Variants in SEMA3C observed in about 807,000 individuals in gnomAD.
SEMA3C encodes semaphorin 3C.
SEMA3C carries 47 observed loss-of-function variants against 89.4 expected under a neutral mutation model. The observed-to-expected ratio is 0.53, with a 90% CI of 0.42 to 0.67. SEMA3C has a LOEUF of 0.67. Among genes scored for constraint, SEMA3C ranks in the 30% least tolerant of loss-of-function variants. The probability of loss-of-function intolerance (pLI) is 0.00; values close to 1 mark genes in which losing one functional copy is unlikely to be tolerated. For synonymous variants in SEMA3C, 310 were observed against 320.2 expected, an observed-to-expected ratio of 0.97 and a Z score of 0.34; for missense variants, 839 against 929.1, an observed-to-expected ratio of 0.90 and a Z score of 1.26.
At chr7:80,765,743 A>T (rs1788285838) in intron 12 of SEMA3C, among the ~76,000 whole-genome samples, 1 of 151,794 alleles carries the variant, frequency 6.6e-6, no homozygotes, top group Admixed American at 6.6e-5. Flanking sequence ...CGCCTGGCTA[A>T]TTTTTTGTAT....
intron 11 of SEMA3C, chr7:80,793,214 T>C (rs1028456503): frequency 5.8e-6 from 1 of 170,956 alleles, no homozygotes; most frequent in Non-Finnish European, 1.2e-5. Flanking sequence ...AAGTGTGATA[T>C]GAAATGCTAG....
At chr7:80,916,619 T>G in intron 2 of SEMA3C, 60 bp downstream of exon 2, 1 of 1,472,672 alleles carries the variant, frequency 6.8e-7, no homozygotes, top group South Asian at 1.3e-5. Flanking sequence ...TGAATCTGGA[T>G]AAGGAAGATA....
intron 12 of SEMA3C, among the ~76,000 whole-genome samples, chr7:80,766,703 AAC>A (rs1309397188): frequency 1.3e-5 from 2 of 152,192 alleles, no homozygotes; most frequent in African/African-American, 2.4e-5. Context: ...GTGCCAGGGA[AAC>A]ACAGTCTCCC....
chr7:80,838,447 T>C (rs748468319), intron 2 of SEMA3C, among the ~76,000 whole-genome samples: 2 of 152,222 alleles, frequency 1.3e-5, no homozygotes, highest in Admixed American at 6.5e-5. Flanking sequence ...CATATTACTA[T>C]ACATCTTGTA....
At chr7:80,843,248 G>A (rs1452265639) in intron 2 of SEMA3C, among the ~76,000 whole-genome samples, 1 of 151,984 alleles carries the variant, frequency 6.6e-6, no homozygotes, top group Non-Finnish European at 1.5e-5. Context: ...TCAAGATAAT[G>A]GATATTCCAA....
chr7:80,854,250 T>C (rs189972321), intron 2 of SEMA3C, among the ~76,000 whole-genome samples: 26 of 152,314 alleles, frequency 1.7e-4, no homozygotes, highest in Non-Finnish European at 2.8e-4. Context: ...AGGATCTCCA[T>C]TTGTTCTTCT....
At chr7:80,913,970 C>T (rs1338030493) in intron 2 of SEMA3C, among the ~76,000 whole-genome samples, 1 of 152,144 alleles carries the variant, frequency 6.6e-6, no homozygotes, top group Non-Finnish European at 1.5e-5. Context: ...TCTCAAGTTC[C>T]ACCCAGAGAG....
At chr7:80,753,746 A>G (rs557726028) in intron 15 of SEMA3C, among the ~76,000 whole-genome samples, 1 of 152,326 alleles carries the variant, frequency 6.6e-6, no homozygotes, top group African/African-American at 2.4e-5. Flanking sequence ...TTTTTTATAG[A>G]AAAGACATTT....
Position 80,899,201 on chromosome 7 carries a change from C to T in SEMA3C, c.103+17478G>A, listed in dbSNP as rs187308414. Among the ~76,000 whole-genome samples the T allele has an allele frequency of 3.3e-4, 50 of 152,146 alleles. No individual in the cohort carries two copies. In the East Asian group the frequency reaches 8.5e-3, roughly 26 times the overall value. ...GATTACAGGCGTGTGCCACTGCGCC[C>T]GGCTACTTTTTGTATTTTTAGTAGA... is the stretch of plus-strand genomic sequence containing the variant. On this transcript the variant is annotated intron_variant, in intron 2 of 17. Transcript: ENST00000265361.
chr7:80,804,962 TTTTTTG>T (rs1032320280), intron 7 of SEMA3C, among the ~76,000 whole-genome samples: 10 of 152,182 alleles, frequency 6.6e-5, no homozygotes, highest in African/African-American at 1.7e-4. Context: ...AGAATCTTCG[TTTTTTG>T]TTTTTGTTTT....
intron 16 of SEMA3C, among the ~76,000 whole-genome samples, chr7:80,750,807 A>G (rs989098963): frequency 1.3e-4 from 20 of 151,918 alleles, no homozygotes; most frequent in Admixed American, 1.2e-3. Context: ...AAATATCCAG[A>G]CGTGACTGGC....
At chr7:80,835,896 T>C (rs928784018) in intron 2 of SEMA3C, among the ~76,000 whole-genome samples, 7 of 152,178 alleles carry the variant, frequency 4.6e-5, no homozygotes, top group African/African-American at 1.4e-4. Flanking sequence ...GATCACACAG[T>C]AAAGACTAAA....
At chr7:80,868,395 G>T (rs1011652715) in intron 2 of SEMA3C, among the ~76,000 whole-genome samples, 1 of 152,002 alleles carries the variant, frequency 6.6e-6, no homozygotes, top group African/African-American at 2.4e-5. Context: ...AGCCTCCCGA[G>T]TAACTGGGAC....
rs1052414424 is a variant in SEMA3C, at chr7:80,916,631, C to A, written c.103+48G>T. ...TTCTGAATCTGGATAAGGAAGATAA[C>A]AAAACTTAAAATAACATTTTTCCCA... On this transcript the variant is annotated intron_variant, in intron 2 of 17. Coordinates refer to ENST00000265361, the MANE Select transcript of SEMA3C (RefSeq NM_006379.5). 5.8e-6 allele frequency: 9 copies of A among 1,545,164 alleles called. No individual in the cohort carries two copies. In the African/African-American group the frequency reaches 9.7e-5, roughly 17 times the overall value.
intron 13 of SEMA3C, among the ~76,000 whole-genome samples, chr7:80,762,159 A>C (rs1017993524): frequency 1.3e-5 from 2 of 152,164 alleles, no homozygotes; most frequent in Non-Finnish European, 2.9e-5. Context: ...ATTAGAACAA[A>C]AAATGAAAAT....
chr7:80,808,855 A>G (rs778940338), intron 6 of SEMA3C, among the ~76,000 whole-genome samples: 16 of 151,884 alleles, frequency 1.1e-4, no homozygotes, highest in Non-Finnish European at 2.2e-4. Flanking sequence ...GCTCACCACA[A>G]CCTCTGCCTC....
intron 15 of SEMA3C, among the ~76,000 whole-genome samples, chr7:80,751,914 T>C (rs1337477623): frequency 1.3e-5 from 2 of 152,200 alleles, no homozygotes; most frequent in Admixed American, 6.5e-5. Context: ...ATTTCAAGTC[T>C]ACAGAAAAGT....
chr7:80,767,775 T>C (rs1788336841), intron 12 of SEMA3C, among the ~76,000 whole-genome samples: 1 of 150,888 alleles, frequency 6.6e-6, no homozygotes, highest in East Asian at 1.9e-4. Flanking sequence ...CCAGAAATCA[T>C]TTAGTGAGTA....
Position 80,810,700 on chromosome 7 carries a change from T to C in SEMA3C, c.449A>G (p.Asp150Gly). 1 of 1,611,968 alleles carries C rather than the reference T, an allele frequency of 6.2e-7. No homozygotes were observed. Among genetic ancestry groups the C allele is most frequent in the Non-Finnish European group, 8.5e-7 (1 of 1,178,412 alleles). The change falls in exon 6 of 18, where the codon GAC becomes GGC. Residue 150 changes from aspartate (D) to glycine (G), a missense_variant and splice_region_variant. Transcript: ENST00000265361. ...TYLNRGRRSE[D>G]QVFMIDSKCE... ...CTTGGAGTCAATCATGAAAACTTGG[T>C]CCTTTATTGTAGATAAAATTTAAAA... is the stretch of plus-strand genomic sequence containing the variant.
Sources: allele counts gnomAD v4.1 joint callset (sites outside exome capture counted in the v4.1 genomes callset), GRCh38; gene constraint gnomAD v4.1.1; transcripts MANE v1.5; gene names NCBI Gene and HGNC (gene_info 2026-07-23, HGNC 2026-07-21).